ZNF727: variants seen among roughly 807,000 people sequenced by gnomAD.
ZNF727 encodes the protein putative zinc finger protein 727.
A neutral mutation model predicts 11.5 loss-of-function variants in ZNF727; 11 were observed. The ratio of observed to expected loss-of-function variants is 0.95; its 90% CI spans 0.60 to 1.58. The LOEUF (loss-of-function observed/expected upper bound fraction) is 1.58, where lower values mean the gene tolerates loss of function less well. Among genes scored for constraint, ZNF727 ranks in the 40% most tolerant of loss-of-function variants. ZNF727 has a pLI of 0.00. For missense variants in ZNF727, 533 were observed against 581.7 expected (o/e 0.92, Z 0.86); for synonymous variants, 171 against 196.1 (o/e 0.87, Z 1.07).
rs1453847433 is a variant in ZNF727 at position 64,084,127 on chromosome 7, T to C, written c.*5578T>C. Among the ~76,000 whole-genome samples, 5 of 152,114 alleles carry C rather than the reference T, an allele frequency of 3.3e-5. No individual in the cohort carries two copies. Among genetic ancestry groups the C allele is most frequent in the Non-Finnish European group, 7.4e-5 (5 of 68,010 alleles). On this transcript the variant is annotated 3_prime_UTR_variant, in exon 4 of 4. Coordinates refer to ENST00000456806, the MANE Select transcript of ZNF727 (RefSeq NM_001159522.3). ...TAAGAGAAATGAAATCTAAGATACA[T>C]GAAGAAATTCTAAGTGGAAAGGCCA...
rs1394573324 is a variant in ZNF727 at position 64,079,263 on chromosome 7, C to G, written c.*714C>G. Among the ~76,000 whole-genome samples, 2 of 152,148 alleles carry G rather than the reference C, an allele frequency of 1.3e-5. No individual in the cohort carries two copies. On this transcript the variant is annotated 3_prime_UTR_variant, in exon 4 of 4. Coordinates refer to ENST00000456806, the MANE Select transcript of ZNF727 (RefSeq NM_001159522.3). The stretch of plus-strand genomic sequence containing the variant: ...CACAAGTGTTAAAAATGTGGAAAAG[C>G]CTTTAACAATTCGTCATATTGTGTT...
intron 1 of ZNF727, among the ~76,000 whole-genome samples, chr7:64,052,691 A>G (rs1789621892): frequency 6.6e-6 from 1 of 152,192 alleles, no homozygotes; most frequent in African/African-American, 2.4e-5. Flanking sequence ...AGCTGCAGAC[A>G]CTGGATGCCA....
intron 1 of ZNF727, among the ~76,000 whole-genome samples, chr7:64,064,216 A>G (rs1789827156): frequency 2.0e-5 from 3 of 152,094 alleles, no homozygotes; most frequent in Non-Finnish European, 2.9e-5. Flanking sequence ...CATGGCTGCC[A>G]CAGCTTGGAT....
Position 64,081,821 on chromosome 7 carries a change from A to G in ZNF727, c.*3272A>G, listed in dbSNP as rs1243653979. ...GTTGAGCCTATGGAAATGGCCGTCA[A>G]TGGCCACACTCTACTACAGGTGCTC... On this transcript the variant is annotated 3_prime_UTR_variant, in exon 4 of 4. Transcript: ENST00000456806. 2.6e-5 allele frequency among the ~76,000 whole-genome samples: 4 copies of G among 152,132 alleles called. No individual in the cohort carries two copies. The highest frequency in any genetic ancestry group is 6.6e-5 in the Admixed American group (1 of 15,266).
intron 2 of ZNF727, 117 bp from the exon 3 acceptor site, chr7:64,069,397 T>C: frequency 2.2e-6 from 2 of 911,034 alleles, no homozygotes; most frequent in South Asian, 3.1e-5. Flanking sequence ...AAACAGTAGA[T>C]TGGAATTAAT....
At chr7:64,048,439 T>C (rs999273655) in intron 1 of ZNF727, among the ~76,000 whole-genome samples, 47 of 152,326 alleles carry the variant, frequency 3.1e-4, no homozygotes, top group African/African-American at 1.1e-3. Flanking sequence ...AAATACATTT[T>C]TACAAGAAAG....
intron 1 of ZNF727, among the ~76,000 whole-genome samples, chr7:64,048,629 C>T (rs923326997): frequency 1.2e-4 from 18 of 152,114 alleles, no homozygotes; most frequent in African/African-American, 4.3e-4. Flanking sequence ...CATATCTTTG[C>T]TCAGGTAATA....
chr7:64,048,506 G>A (rs1269986406), intron 1 of ZNF727, among the ~76,000 whole-genome samples: 4 of 152,146 alleles, frequency 2.6e-5, no homozygotes, highest in East Asian at 1.9e-4. Flanking sequence ...TTTCTGTCTC[G>A]TGCAGAGTGG....
At position 64,077,368 on chromosome 7, in the gene ZNF727, G is replaced by T. The variant is rs201180573; in HGVS notation, c.319G>T (p.Asp107Tyr). The T allele has an allele frequency of 6.9e-4, 1,064 of 1,551,312 alleles. 3 individuals carry two copies. Among genetic ancestry groups the T allele is most frequent in the South Asian group, 3.2e-3 (266 of 83,966 alleles). The change falls in exon 4 of 4, where the codon GAC becomes TAC. Residue 107 changes from aspartate to tyrosine, a missense_variant. This residue lies in a region of ZNF727 where 463 missense variants were observed against 494.5 expected (regional missense o/e 0.94). Transcript: ENST00000456806. ...GATCCTGAGAAAATCTGGAAGCTGTGACCTTAATACTTTACGTTTAAAGAA... is the reference window on the plus strand; with the variant it reads ...GATCCTGAGAAAATCTGGAAGCTGTTACCTTAATACTTTACGTTTAAAGAA... Reference protein sequence around the residue: ...KVILRKSGSCDLNTLRLKKDY... With the variant: ...KVILRKSGSCYLNTLRLKKDY...
chr7:64,077,360 G>A lies in ZNF727; in HGVS notation c.311G>A (p.Gly104Glu), dbSNP rs546423785. The change falls in exon 4 of 4, where the codon GGA (glycine) becomes GAA (glutamate). Residue 104 changes from glycine to glutamate, a missense_variant. By Grantham distance (98) the Gly-to-Glu change is moderately conservative (BLOSUM62 -2). Around this residue, in one of 3 missense-constraint regions of ZNF727, gnomAD observed 463 missense variants for 494.5 expected, o/e 0.94. Transcript: ENST00000456806. ...SFQKVILRKS[G>E]SCDLNTLRLK... ...CAAAAAGTGATCCTGAGAAAATCTG[G>A]AAGCTGTGACCTTAATACTTTACGT... 3.7e-4 allele frequency: 568 copies of A among 1,551,404 alleles called. 5 individuals are homozygous for A. The South Asian group carries it at 6.4e-3, about 18-fold the overall frequency.
chr7:64,067,681 G>A (rs555104968), intron 1 of ZNF727, among the ~76,000 whole-genome samples: 34 of 152,142 alleles, frequency 2.2e-4, no homozygotes, highest in African/African-American at 7.5e-4. Context: ...AGTGGGAGTC[G>A]AACAATGAGA....
At position 64,052,458 on chromosome 7, in the gene ZNF727, G is replaced by A. The variant is rs530195614; in HGVS notation, c.3+6834G>A. 2.7e-5 allele frequency among the ~76,000 whole-genome samples: 4 copies of A among 148,356 alleles called. No homozygotes were observed. In the East Asian group the frequency reaches 8.0e-4, roughly 30 times the overall value. ...CCTTCTTGCCTTCCACCATGATTGTGAGGCCTCCCCAGCCAGATTGCGCAG... is the reference window on the plus strand; with the variant it reads ...CCTTCTTGCCTTCCACCATGATTGTAAGGCCTCCCCAGCCAGATTGCGCAG... On this transcript the variant is annotated intron_variant, in intron 1 of 3. Transcript: ENST00000456806.
intron 1 of ZNF727, among the ~76,000 whole-genome samples, chr7:64,047,335 T>C (rs1789524181): frequency 6.6e-6 from 1 of 152,256 alleles, no homozygotes; most frequent in Non-Finnish European, 1.5e-5. Flanking sequence ...TGTTTATTTT[T>C]GTTTAAGAGA....
rs574305546 is a variant in ZNF727, at chr7:64,079,854, G to A, written c.*1305G>A. On this transcript the variant is annotated 3_prime_UTR_variant, in exon 4 of 4. Coordinates refer to ENST00000456806, the MANE Select transcript of ZNF727 (RefSeq NM_001159522.3). ...AAGATCTTTTAAGGCAGGTCTTGTGGTAACAGATTTCCTCAGCATTTGCTT... is the reference window on the plus strand; with the variant it reads ...AAGATCTTTTAAGGCAGGTCTTGTGATAACAGATTTCCTCAGCATTTGCTT... Among the ~76,000 whole-genome samples the A allele has an allele frequency of 6.6e-6, 1 of 152,128 alleles. No individual in the cohort carries two copies. The highest frequency in any genetic ancestry group is 1.5e-5 in the Non-Finnish European group (1 of 68,016).
At chr7:64,059,418 C>T (rs1789737183) in intron 1 of ZNF727, among the ~76,000 whole-genome samples, 1 of 152,100 alleles carries the variant, frequency 6.6e-6, no homozygotes, top group African/African-American at 2.4e-5. Context: ...CTTTGTTTTT[C>T]GCCTGTAGAA....
rs975709817 is a variant in ZNF727, at chr7:64,069,603, C to G, written c.220C>G (p.His74Asp). 1 of 1,560,104 alleles carries G rather than the reference C, an allele frequency of 6.4e-7. No individual in the cohort carries two copies. Among genetic ancestry groups the G allele is most frequent in the African/African-American group, 1.4e-5 (1 of 73,302 alleles). ...NARRQKTVAK[H>D]PAGSLHFTAE... ...GAGGAGACAGAAGACAGTAGCCAAA[C>G]ACCCAGGTAGGTGGGAGTGAGTGAA... The change falls in exon 3 of 4, where the codon CAC becomes GAC. Residue 74 changes from histidine to aspartate, a missense_variant. Around this residue, in one of 3 missense-constraint regions of ZNF727, gnomAD observed 463 missense variants for 494.5 expected, o/e 0.94. Transcript: ENST00000456806.
intron 1 of ZNF727, among the ~76,000 whole-genome samples, chr7:64,047,011 T>C (rs902553960): frequency 2.6e-5 from 4 of 152,102 alleles, no homozygotes; most frequent in African/African-American, 9.7e-5. Flanking sequence ...TAGTAATTTG[T>C]AAGAAATTCT....
At chr7:64,056,721 T>C (rs541154010) in intron 1 of ZNF727, among the ~76,000 whole-genome samples, 5 of 152,308 alleles carry the variant, frequency 3.3e-5, no homozygotes, top group African/African-American at 1.2e-4. Flanking sequence ...ACAAAAAATG[T>C]ACATCTTTCT....
At chr7:64,061,309 C>T (rs779244043) in intron 1 of ZNF727, among the ~76,000 whole-genome samples, 1 of 152,126 alleles carries the variant, frequency 6.6e-6, no homozygotes, top group African/African-American at 2.4e-5. Flanking sequence ...GGGTTGATCT[C>T]TCTCTCTTTA....
Sources: gnomAD v4.1 joint callset for allele counts (sites outside exome capture counted in the v4.1 genomes callset) on GRCh38, gnomAD v4.1.1 for gene constraint, gnomAD v4.1.1 regional missense constraint, MANE v1.5 for transcripts, NCBI Gene and HGNC (gene_info 2026-07-23, HGNC 2026-07-21) for gene names.